Variants in ACIN1 observed in about 807,000 individuals in gnomAD.
The protein encoded by ACIN1 is apoptotic chromatin condensation inducer in the nucleus.
ACIN1 carries 16 observed loss-of-function variants against 146.6 expected under a neutral mutation model. The ratio of observed to expected loss-of-function variants is 0.11; its 90% confidence interval spans 0.07 to 0.17. ACIN1 has a LOEUF of 0.17. ACIN1 is among the 10% of genes least tolerant of loss of function. The pLI, the probability that ACIN1 is intolerant of heterozygous loss-of-function variation, is 1.00. For synonymous variants in ACIN1, 569 were observed against 582.7 expected, an observed-to-expected ratio of 0.98 and a Z score of 0.34; for missense variants, 1,357 against 1,609.3, an observed-to-expected ratio of 0.84 and a Z score of 2.68.
intron 7 of ACIN1, 83 bp from the exon 8 acceptor site, chr14:23,078,349 G>A: frequency 8.1e-7 from 1 of 1,229,934 alleles, no homozygotes; most frequent in Non-Finnish European, 1.2e-6. Context: ...CCTGAAAAAG[G>A]CAGGGCAGGA....
At chr14:23,092,993 T>C (rs1365628474) in intron 2 of ACIN1, among the ~76,000 whole-genome samples, 1 of 152,236 alleles carries the variant, frequency 6.6e-6, no homozygotes, top group Non-Finnish European at 1.5e-5. Context: ...GTATTAGTAA[T>C]GTTTATGAGT....
At position 23,061,787 on chromosome 14, in the gene ACIN1, C is replaced by T. The variant is rs555681517; in HGVS notation, c.3100-165G>A. Among the ~76,000 whole-genome samples the T allele has an allele frequency of 6.6e-4, 100 of 152,066 alleles. 1 individual carries two copies. The highest frequency in any genetic ancestry group is 2.3e-3 in the African/African-American group (96 of 41,438). On this transcript the variant is annotated intron_variant, in intron 16 of 18. Coordinates refer to ENST00000605057, the MANE Select transcript of ACIN1 (RefSeq NM_001386863.1). ...AGGAGACCGAGACCATCCTGGCTGA[C>T]ACGGTGAAACCCCGTCTCTACTGAA...
In ACIN1 at chr14:23,062,342, C is replaced by G. The variant is rs2047316312; in HGVS notation, c.2992-67G>C. 8 of 1,601,268 alleles carry G rather than the reference C, an allele frequency of 5.0e-6. 1 individual carries two copies. The South Asian group carries it at 6.6e-5, about 13-fold the overall frequency. ...GCAACCCTTCCCACGTGCTGCAACA[C>G]CCTTAAACCTGCCCACACTGGTCAC... On this transcript the variant is annotated intron_variant, in intron 15 of 18. Transcript: ENST00000605057.
At chr14:23,075,154 T>C (rs1275408256) in intron 8 of ACIN1, among the ~76,000 whole-genome samples, 2 of 152,148 alleles carry the variant, frequency 1.3e-5, no homozygotes, top group African/African-American at 4.8e-5. Flanking sequence ...ACCTTCCTCC[T>C]ACACAGGCAG....
In ACIN1 at chr14:23,059,346, C is replaced by T. The variant is rs1310279649; in HGVS notation, c.3654G>A (p.Glu1218=). The T allele has an allele frequency of 1.2e-6, 2 of 1,610,108 alleles. No individual in the cohort carries two copies. Among genetic ancestry groups the T allele is most frequent in the Non-Finnish European group, 1.7e-6 (2 of 1,176,494 alleles). Residue 1218 remains glutamate (E), a synonymous_variant, in exon 19 of 19, where the codon GAG becomes GAA. Coordinates refer to ENST00000605057, the MANE Select transcript of ACIN1 (RefSeq NM_001386863.1). ...GACTGTGCTCCCGACGTTTCTCTCG[C>T]TCCAGCTGTCGGTTCCGTTCCCGCT... is the stretch of plus-strand genomic sequence containing the variant. ...EAERERNRQL[E]REKRREHSRE... is the part of the protein sequence containing the mutation.
Position 23,086,269 on chromosome 14 carries a change from A to T in ACIN1, c.436+3713T>A, listed in dbSNP as rs150345956. Among the ~76,000 whole-genome samples, 1,029 of 152,376 alleles carry T rather than the reference A, an allele frequency of 6.8e-3. 49 individuals carry two copies. The highest frequency in any genetic ancestry group is 0.059 in the Admixed American group (909 of 15,306). ...AACGGAATGAGGGGCATACTCTATA[A>T]GCCAAAGGCTGGCTAAAATCACCTT... On this transcript the variant is annotated intron_variant, in intron 4 of 18. Transcript: ENST00000605057.
rs2047196724 is a variant in ACIN1 at position 23,059,478 on chromosome 14, T to C, written c.3526-4A>G. 1 of 1,612,472 alleles carries C rather than the reference T, an allele frequency of 6.2e-7. No individual in the cohort carries two copies. Among genetic ancestry groups the C allele is most frequent in the Non-Finnish European group, 8.5e-7 (1 of 1,179,216 alleles). ...GCTCTGCCTCTTTCTGAACGATCTG[T>C]AGCCAGGTAGGAAAGGCAGAGAATA... On this transcript the variant is annotated splice_region_variant and splice_polypyrimidine_tract_variant and intron_variant, in intron 18 of 18. Transcript: ENST00000605057.
intron 4 of ACIN1, among the ~76,000 whole-genome samples, chr14:23,082,461 T>C (rs997954069): frequency 2.0e-5 from 3 of 148,130 alleles, no homozygotes; most frequent in Admixed American, 1.3e-4. Flanking sequence ...TTTTTTTTTT[T>C]CTGAGATGGA....
chr14:23,065,283 C>G (rs2047417349), intron 10 of ACIN1, among the ~76,000 whole-genome samples: 1 of 152,138 alleles, frequency 6.6e-6, no homozygotes, highest in Admixed American at 6.5e-5. Context: ...CTTGGGTGCT[C>G]TCTTAGAATA....
intron 18 of ACIN1, 146 bp downstream of exon 18, chr14:23,060,938 G>GAA: frequency 1.4e-6 from 1 of 732,900 alleles, no homozygotes. Flanking sequence ...CCAATTAACT[G>GAA]AAAACTGCCT....
rs762806045 is a variant in ACIN1 at position 23,064,447 on chromosome 14, C to A, written c.2350G>T (p.Gly784Trp). 11 of 1,614,152 alleles carry A rather than the reference C, an allele frequency of 6.8e-6. No homozygotes were observed. Among genetic ancestry groups the A allele is most frequent in the East Asian group, 2.2e-5 (1 of 44,902 alleles). The change falls in exon 11 of 19, where the codon GGG becomes TGG. Residue 784 changes from glycine to tryptophan, a missense_variant. Physicochemically the swap from Gly to Trp is radical, Grantham distance 184. Coordinates refer to ENST00000605057, the MANE Select transcript of ACIN1 (RefSeq NM_001386863.1). ...GVPAGNSDTE[G>W]GQPGRKRRWG... ...CGTCGTTTCCGACCAGGCTGGCCCC[C>A]CTCTGTGTCACTGTTTCCAGCTGGC...
At position 23,078,260 on chromosome 14, in the gene ACIN1, G is replaced by A; in HGVS notation, c.2014C>T (p.Pro672Ser). 6.2e-7 allele frequency: 1 copy of A among 1,613,952 alleles called. No individual in the cohort carries two copies. Among genetic ancestry groups the A allele is most frequent in the Non-Finnish European group, 8.5e-7 (1 of 1,179,952 alleles). ...GCCTCTTCAGCTTCACACTTCTTTG[G>A]GCTCCCCTGTCAGGAGATAGCAAAA... ...TQRLQPERGS[P>S]KKCEAEEAEP... is the part of the protein sequence containing the mutation. The change falls in exon 8 of 19, where the codon CCA becomes TCA. Residue 672 changes from proline (P) to serine (S), a missense_variant. Coordinates refer to ENST00000605057, the MANE Select transcript of ACIN1 (RefSeq NM_001386863.1).
chr14:23,062,505 C>T lies in ACIN1; in HGVS notation c.2902G>A (p.Gly968Ser), dbSNP rs1023719024. 6 of 1,614,014 alleles carry T rather than the reference C, an allele frequency of 3.7e-6. No homozygotes were observed. Among genetic ancestry groups the T allele is most frequent in the South Asian group, 1.1e-5 (1 of 91,088 alleles). Residue 968 changes from glycine to serine, a missense_variant, in exon 15 of 19, where the codon GGC becomes AGC. By Grantham distance (56) the Gly-to-Ser change is moderately conservative. Around this residue, in one of 4 missense-constraint regions of ACIN1, gnomAD observed 509 missense variants for 719.6 expected, o/e 0.71. Transcript: ENST00000605057. ...ISNLVRPFTLGQLKELLGRTG... is the reference protein window; with the variant it reads ...ISNLVRPFTLSQLKELLGRTG... The stretch of plus-strand genomic sequence containing the variant: ...CGCCCCAACAACTCCTTTAGCTGGC[C>T]TAAAGTGAAAGGACGGACCTGCCAA...
chr14:23,094,636 T>C (rs1397548602), intron 1 of ACIN1: 9 of 842,190 alleles, frequency 1.1e-5, no homozygotes, highest in Admixed American at 8.8e-5. Flanking sequence ...AGCAACGCCG[T>C]AGGTTGTAGT....
At chr14:23,060,589 T>C (rs1188577227) in intron 18 of ACIN1, among the ~76,000 whole-genome samples, 2 of 152,092 alleles carry the variant, frequency 1.3e-5, no homozygotes, top group Admixed American at 1.3e-4. Flanking sequence ...CTCTGCTCAC[T>C]GCAACCTCCG....
chr14:23,059,778 T>C (rs1046742624), intron 18 of ACIN1, among the ~76,000 whole-genome samples: 20 of 151,384 alleles, frequency 1.3e-4, no homozygotes, highest in African/African-American at 4.4e-4. Flanking sequence ...CTCAGCCTGC[T>C]GAGCAGCTGG....
Position 23,081,845 on chromosome 14 carries a change from T to C in ACIN1, c.437-9A>G, listed in dbSNP as rs2047951300. On this transcript the variant is annotated splice_polypyrimidine_tract_variant and intron_variant, in intron 4 of 18. Transcript: ENST00000605057. ...AATTGAGGAGCTTTTTCCTATTGAA[T>C]GAAAAAGAATCAAGTCAGATTCATG... 1.3e-6 allele frequency: 2 copies of C among 1,599,220 alleles called. No homozygotes were observed. The highest frequency in any genetic ancestry group is 1.7e-6 in the Non-Finnish European group (2 of 1,174,108).
intron 18 of ACIN1, 67 bp downstream of exon 18, chr14:23,061,017 A>G (rs2047262818): frequency 1.4e-6 from 2 of 1,461,836 alleles, no homozygotes; most frequent in Non-Finnish European, 1.9e-6. Context: ...AGTCACATGA[A>G]TCTCCCCTCA....
At position 23,095,013 on chromosome 14, in the gene ACIN1, T is replaced by C; in HGVS notation, c.100A>G (p.Ser34Gly). The change falls in exon 1 of 19, where the codon AGC becomes GGC. Residue 34 changes from serine to glycine, a missense_variant. Physicochemically the swap from Ser to Gly is moderately conservative, Grantham distance 56 (BLOSUM62 0). Coordinates refer to ENST00000605057, the MANE Select transcript of ACIN1 (RefSeq NM_001386863.1). ...AALEQRGLAKSGQKSALVKRL... is the reference protein window; with the variant it reads ...AALEQRGLAKGGQKSALVKRL... Reference sequence around the variant, plus strand: ...TTGACCAGGGCACTCTTCTGCCCGCTCTTGGCTAGGCCTCGCTGCTCCAGT... The same window carrying C: ...TTGACCAGGGCACTCTTCTGCCCGCCCTTGGCTAGGCCTCGCTGCTCCAGT... 6.2e-7 allele frequency: 1 copy of C among 1,610,588 alleles called. No homozygotes were observed. The highest frequency in any genetic ancestry group is 8.5e-7 in the Non-Finnish European group (1 of 1,179,992).
Sources: gnomAD v4.1 joint callset for allele counts (sites outside exome capture counted in the v4.1 genomes callset) on GRCh38, gnomAD v4.1.1 for gene constraint, gnomAD v4.1.1 regional missense constraint, MANE v1.5 for transcripts, NCBI Gene and HGNC (gene_info 2026-07-23, HGNC 2026-07-21) for gene names.